MAN2A1: variants seen among roughly 807,000 people sequenced by gnomAD.
MAN2A1 encodes mannosidase alpha class 2A member 1, also known as alpha-mannosidase 2.
In MAN2A1, 76 loss-of-function variants were observed where a neutral mutation model predicts 142.6. That is an observed-to-expected ratio of 0.53 (90% CI 0.44 to 0.65). The LOEUF (loss-of-function observed/expected upper bound fraction) is 0.65. MAN2A1 is among the 30% of genes least tolerant of loss of function. The pLI is 0.00. For synonymous variants in MAN2A1, 559 were observed against 473.2 expected (o/e 1.18, Z -2.35); for missense variants, 1,311 against 1,365.1 (o/e 0.96, Z 0.62).
At chr5:109,735,878 GTTTT>G (rs35796131) in intron 4 of MAN2A1, among the ~76,000 whole-genome samples, 1 of 98,404 alleles carries the variant, frequency 1.0e-5, no homozygotes, top group African/African-American at 4.2e-5. Context: ...TTCCATTGGA[GTTTT>G]TTTTTTTTTT....
chr5:109,820,036 T>G (rs1754581984), intron 14 of MAN2A1, 149 bp downstream of exon 14: 1 of 791,160 alleles, frequency 1.3e-6, no homozygotes, highest in African/African-American at 1.7e-5. Context: ...TTTTGCACCT[T>G]CATTGACCAC....
Position 109,846,025 on chromosome 5 carries a change from CT to C in MAN2A1, c.2842+23del. The C allele has an allele frequency of 2.5e-6, 4 of 1,580,602 alleles. No individual in the cohort carries two copies. The highest frequency in any genetic ancestry group is 1.8e-5 in the Admixed American group (1 of 55,410). ...AATAGTGGTATGTATTGCTTACACT[CT>C]TTTCCACTCTGAAAGGTTTCAATTC... On this transcript the variant is annotated intron_variant, in intron 18 of 21. Transcript: ENST00000261483.
At chr5:109,738,638 T>C (rs901019657) in intron 4 of MAN2A1, among the ~76,000 whole-genome samples, 22 of 152,114 alleles carry the variant, frequency 1.4e-4, no homozygotes, top group African/African-American at 5.3e-4. Flanking sequence ...ATTTGTCAAA[T>C]GAGGATAATA....
At chr5:109,809,588 T>C (rs1754265126) in intron 12 of MAN2A1, among the ~76,000 whole-genome samples, 1 of 152,150 alleles carries the variant, frequency 6.6e-6, no homozygotes, top group Non-Finnish European at 1.5e-5. Flanking sequence ...CTCCTGGCTT[T>C]CTTAATTATT....
chr5:109,835,972 A>G (rs80301684), intron 16 of MAN2A1, among the ~76,000 whole-genome samples: 1,921 of 152,230 alleles, frequency 0.013, 49 homozygotes, highest in African/African-American at 0.043. Context: ...GCTCAGAGCT[A>G]TGACTCCAGG....
intron 4 of MAN2A1, among the ~76,000 whole-genome samples, chr5:109,738,940 CTCAGGTGATCCTCCCACT>C (rs1752187942): frequency 6.6e-6 from 1 of 151,992 alleles, no homozygotes; most frequent in African/African-American, 2.4e-5. Context: ...ACCTCCTGGG[CTCAGGTGATCCTCCCACT>C]TCAGCTTTCC....
Position 109,789,045 on chromosome 5 carries a change from G to A in MAN2A1, c.1872G>A (p.Glu624=), listed in dbSNP as rs1213827217. The change falls in exon 11 of 22, where the codon GAG becomes GAA. Residue 624 remains glutamate (E), a synonymous_variant. Transcript: ENST00000261483. ...CTTACTCTCCTGATACCTTCCTGGA[G>A]ATGGTTAGTAATTTCATCTATGGTC... ...YDSYSPDTFL[E]MDLKQKSQDS... is the part of the protein sequence containing the mutation. The A allele has an allele frequency of 3.3e-6, 5 of 1,505,606 alleles. No individual in the cohort carries two copies. Among genetic ancestry groups the A allele is most frequent in the Non-Finnish European group, 4.6e-6 (5 of 1,091,180 alleles). The allele number at this position is 1,505,606 out of a possible 1,614,324, so 93.3% of individuals were successfully genotyped here.
At chr5:109,696,950 T>C (rs1414353853) in intron 1 of MAN2A1, among the ~76,000 whole-genome samples, 1 of 152,254 alleles carries the variant, frequency 6.6e-6, no homozygotes, top group Non-Finnish European at 1.5e-5. Flanking sequence ...ATTATGTTCA[T>C]AGGTAAGTTG....
chr5:109,713,726 A>G lies in MAN2A1; in HGVS notation c.342A>G (p.Ala114=), dbSNP rs1407241351. 1 of 1,614,084 alleles carries G rather than the reference A, an allele frequency of 6.2e-7. No individual in the cohort carries two copies. Among genetic ancestry groups the G allele is most frequent in the Admixed American group, 1.7e-5 (1 of 60,028 alleles). The change falls in exon 2 of 22, where the codon GCA becomes GCG. Residue 114 remains alanine, a synonymous_variant. Transcript: ENST00000261483. The part of the protein sequence containing the change: ...PSQLSLSVDT[A]DCLFASQSGS... ...AATTATCCCTCTCAGTTGACACTGCAGACTGTCTGTTTGCTTCACAAAGTG... is the reference window on the plus strand; with the variant it reads ...AATTATCCCTCTCAGTTGACACTGCGGACTGTCTGTTTGCTTCACAAAGTG...
At chr5:109,770,601 G>A in intron 7 of MAN2A1, 60 bp downstream of exon 7, 1 of 1,472,050 alleles carries the variant, frequency 6.8e-7, no homozygotes, top group Non-Finnish European at 9.4e-7. Context: ...TTAGCTGCTA[G>A]TTGCTGAAGG....
chr5:109,722,242 A>AT (rs1281439928), intron 3 of MAN2A1, among the ~76,000 whole-genome samples: 1 of 152,236 alleles, frequency 6.6e-6, no homozygotes, highest in Non-Finnish European at 1.5e-5. Context: ...AAAAGTGGAC[A>AT]TCTCACTGCA....
intron 3 of MAN2A1, among the ~76,000 whole-genome samples, chr5:109,720,697 T>A (rs1385742396): frequency 6.6e-6 from 1 of 152,024 alleles, no homozygotes; most frequent in Non-Finnish European, 1.5e-5. Flanking sequence ...CGCAAAAAAA[T>A]TTCAAAATAT....
chr5:109,848,707 C>G (rs980866927), intron 19 of MAN2A1, among the ~76,000 whole-genome samples: 1 of 152,198 alleles, frequency 6.6e-6, no homozygotes, highest in Non-Finnish European at 1.5e-5. Context: ...CTCTCTTTCT[C>G]CCTTGCTCCT....
intron 19 of MAN2A1, chr5:109,854,874 G>A: frequency 3.6e-6 from 1 of 280,002 alleles, no homozygotes; most frequent in Non-Finnish European, 6.5e-6. Flanking sequence ...TGAAATGTTT[G>A]TAGGAAATGT....
At chr5:109,741,653 T>C (rs1752271138) in intron 4 of MAN2A1, among the ~76,000 whole-genome samples, 1 of 152,290 alleles carries the variant, frequency 6.6e-6, no homozygotes, top group South Asian at 2.1e-4. Flanking sequence ...TGTGGGAACT[T>C]AACAGAAACA....
intron 6 of MAN2A1, among the ~76,000 whole-genome samples, chr5:109,768,328 G>A (rs1221868309): frequency 2.0e-5 from 3 of 152,008 alleles, no homozygotes; most frequent in Non-Finnish European, 2.9e-5. Flanking sequence ...TTTATTTATC[G>A]AGCCTTTATT....
Position 109,702,594 on chromosome 5 carries a change from A to G in MAN2A1, c.136-10926A>G, listed in dbSNP as rs181000877. Reference sequence around the variant, plus strand: ...TAAAAACTGTCTTTGACCCTGGGCTACCTCTGGAAAATTTGTAGGGTCAAA... The same window carrying G: ...TAAAAACTGTCTTTGACCCTGGGCTGCCTCTGGAAAATTTGTAGGGTCAAA... On this transcript the variant is annotated intron_variant, in intron 1 of 21. Coordinates refer to ENST00000261483, the MANE Select transcript of MAN2A1 (RefSeq NM_002372.4). 6.6e-3 allele frequency among the ~76,000 whole-genome samples: 1,004 copies of G among 152,218 alleles called. 5 individuals carry two copies. Among genetic ancestry groups the G allele is most frequent in the Non-Finnish European group, 8.4e-3 (574 of 68,020 alleles).
At chr5:109,695,645 G>A (rs1582794165) in intron 1 of MAN2A1, among the ~76,000 whole-genome samples, 1 of 152,156 alleles carries the variant, frequency 6.6e-6, no homozygotes, top group South Asian at 2.1e-4. Context: ...GTATTTGCTG[G>A]ATTGTAAAGG....
intron 4 of MAN2A1, among the ~76,000 whole-genome samples, chr5:109,745,207 G>T (rs1423867758): frequency 6.6e-6 from 1 of 152,132 alleles, no homozygotes; most frequent in African/African-American, 2.4e-5. Flanking sequence ...CACAATTCAT[G>T]AGACTGAAAA....
Sources: allele counts gnomAD v4.1 joint callset (sites outside exome capture counted in the v4.1 genomes callset), GRCh38; gene constraint gnomAD v4.1.1; transcripts MANE v1.5; gene names NCBI Gene and HGNC (gene_info 2026-07-23, HGNC 2026-07-21).